GBP5: variants seen among roughly 807,000 people sequenced by gnomAD.
GBP5 encodes the protein guanylate binding protein 5.
Under a neutral mutation model 58.2 loss-of-function variants are expected in GBP5, and 48 were observed. That is an observed-to-expected ratio of 0.83 (90% CI 0.65 to 1.05). GBP5 has a LOEUF of 1.05. GBP5 is among the 50% of genes least tolerant of loss of function. The probability of loss-of-function intolerance (pLI) is 0.00; values close to 1 mark genes in which losing one functional copy is unlikely to be tolerated. For synonymous variants in GBP5, 248 were observed against 251.8 expected (o/e 0.98, Z 0.14); for missense variants, 714 against 686.8 (o/e 1.04, Z -0.44).
chr1:89,263,123 T>A (rs1461310773), intron 9 of GBP5: 7 of 183,460 alleles, frequency 3.8e-5, no homozygotes, highest in African/African-American at 1.4e-4. Flanking sequence ...TGCTTTTGTG[T>A]TTGAATGACA....
At position 89,262,409 on chromosome 1, in the gene GBP5, G is replaced by A. The variant is rs1228326049; in HGVS notation, c.1466-8C>T. ...CTGCTTTCACTTGTGCCTCTGAGGA[G>A]AAAAAGATAATCTTCTCTAGGATTA... On this transcript the variant is annotated splice_region_variant and splice_polypyrimidine_tract_variant and intron_variant, in intron 10 of 11. Transcript: ENST00000370459. The A allele has an allele frequency of 1.2e-6, 2 of 1,610,842 alleles. No homozygotes were observed. Among genetic ancestry groups the A allele is most frequent in the East Asian group, 2.2e-5 (1 of 44,858 alleles).
In GBP5 at chr1:89,267,154, C is replaced by T; in HGVS notation, c.429-1G>A. On this transcript the variant is annotated splice_acceptor_variant, in intron 5 of 11. Transcript: ENST00000370459. LOFTEE classifies it high-confidence loss of function. The stretch of plus-strand genomic sequence containing the variant: ...CAGATCTGTCAGTTCTGTCACATTG[C>T]TGAGATGCAATTAAAGAAAACTGGC... The T allele has an allele frequency of 2.5e-6, 4 of 1,577,178 alleles. No individual in the cohort carries two copies. The highest frequency in any genetic ancestry group is 3.4e-6 in the Non-Finnish European group (4 of 1,165,060).
intron 3 of GBP5, 139 bp from the exon 4 acceptor site, chr1:89,268,995 G>T: frequency 1.2e-6 from 1 of 828,578 alleles, no homozygotes; most frequent in Non-Finnish European, 1.9e-6. Flanking sequence ...GAATGATGAT[G>T]CAGAAATGGA....
intron 5 of GBP5, 101 bp downstream of exon 5, chr1:89,267,316 A>G (rs1346131391): frequency 1.2e-5 from 12 of 1,012,798 alleles, no homozygotes; most frequent in Admixed American, 2.1e-5. Context: ...AATGTTTATC[A>G]CGTTTCCATT....
At position 89,260,617 on chromosome 1, in the gene GBP5, T is replaced by C; in HGVS notation, c.*87A>G. 2.6e-6 allele frequency: 2 copies of C among 774,110 alleles called. No homozygotes were observed. Among genetic ancestry groups the C allele is most frequent in the South Asian group, 3.2e-5 (2 of 62,350 alleles). The allele number at this position is 774,110 out of a possible 1,614,324, so 48.0% of individuals were successfully genotyped here. Reference sequence around the variant, plus strand: ...AAAATAATTATAAAGTTTATTTAAATGTTGATTGTCCCAAGGTCTACAGTT... The same window carrying C: ...AAAATAATTATAAAGTTTATTTAAACGTTGATTGTCCCAAGGTCTACAGTT... On this transcript the variant is annotated 3_prime_UTR_variant, in exon 12 of 12. Coordinates refer to ENST00000370459, the MANE Select transcript of GBP5 (RefSeq NM_052942.5).
rs1034629134 is a variant in GBP5 at position 89,263,771 on chromosome 1, C to T, written c.1327G>A (p.Ala443Thr). The T allele has an allele frequency of 1.9e-6, 3 of 1,613,662 alleles. No homozygotes were observed. The highest frequency in any genetic ancestry group is 1.1e-5 in the South Asian group (1 of 91,074). ...TTCCGAGGCTCCCGATAGTACTTTG[C>T]CTTCAGTTCTTCTGTTTTCTGAATG... ...LFIQKTEELK[A>T]KYYREPRKGI... is the part of the protein sequence containing the mutation. The change falls in exon 9 of 12, where the codon GCA (alanine) becomes ACA (threonine). Residue 443 changes from alanine (A) to threonine (T), a missense_variant. Physicochemically the swap from Ala to Thr is moderately conservative, Grantham distance 58. Coordinates refer to ENST00000370459, the MANE Select transcript of GBP5 (RefSeq NM_052942.5).
chr1:89,256,666 C>T lies in GBP5; in HGVS notation c.*4038G>A, dbSNP rs1017099684. Among the ~76,000 whole-genome samples, 12 of 152,192 alleles carry T rather than the reference C, an allele frequency of 7.9e-5. No individual in the cohort carries two copies. The highest frequency in any genetic ancestry group is 2.9e-4 in the African/African-American group (12 of 41,446). On this transcript the variant is annotated 3_prime_UTR_variant, in exon 12 of 12. Coordinates refer to ENST00000370459, the MANE Select transcript of GBP5 (RefSeq NM_052942.5). ...TTTGAGTCACATTTAGAAAGGCCCT[C>T]TCCTCTACAGGTTTATGAAGAACAT...
At chr1:89,265,784 T>G (rs1384564456) in intron 7 of GBP5, among the ~76,000 whole-genome samples, 1 of 151,754 alleles carries the variant, frequency 6.6e-6, no homozygotes, top group Admixed American at 6.6e-5. Flanking sequence ...CAGGTTTCTC[T>G]TAATGTTTGT....
chr1:89,266,298 C>T (rs1021699416), intron 7 of GBP5, 48 bp downstream of exon 7: 12 of 1,527,134 alleles, frequency 7.9e-6, no homozygotes, highest in Non-Finnish European at 1.1e-5. Flanking sequence ...AAAAGTGTCC[C>T]TTATAGTTTA....
intron 5 of GBP5, 35 bp downstream of exon 5, chr1:89,267,382 G>A (rs374421822): frequency 2.0e-5 from 28 of 1,434,712 alleles, no homozygotes; most frequent in African/African-American, 5.6e-5. Context: ...GAGTTCTGTC[G>A]GACTTTGGTG....
At chr1:89,266,736 G>C in intron 6 of GBP5, 148 bp from the exon 7 acceptor site, 1 of 824,422 alleles carries the variant, frequency 1.2e-6, no homozygotes, top group East Asian at 2.8e-5. Flanking sequence ...TAACTAATCA[G>C]GGAAAGTAAA....
chr1:89,266,449 C>A lies in GBP5; in HGVS notation c.765G>T (p.Glu255Asp), dbSNP rs748033916. 5 of 1,614,130 alleles carry A rather than the reference C, an allele frequency of 3.1e-6. No individual in the cohort carries two copies. In the South Asian group the frequency reaches 4.4e-5, roughly 14 times the overall value. ...LAQLETLPDD[E>D]LEPEFVQQVT... The stretch of plus-strand genomic sequence containing the variant: ...CTTGTTGCACAAATTCAGGCTCTAG[C>A]TCATCATCAGGCAGTGTTTCAAGTT... The change falls in exon 7 of 12, where the codon GAG (glutamate) becomes GAT (aspartate). Residue 255 changes from glutamate (E) to aspartate (D), a missense_variant. Physicochemically the swap from Glu to Asp is conservative, Grantham distance 45. Coordinates refer to ENST00000370459, the MANE Select transcript of GBP5 (RefSeq NM_052942.5).
chr1:89,269,142 A>C (rs1650340555), intron 3 of GBP5, among the ~76,000 whole-genome samples: 1 of 152,152 alleles, frequency 6.6e-6, no homozygotes, highest in Non-Finnish European at 1.5e-5. Context: ...AATATATTAT[A>C]CATTTTACAA....
intron 3 of GBP5, 37 bp from the exon 4 acceptor site, chr1:89,268,893 ACT>A (rs1233913384): frequency 1.3e-6 from 2 of 1,599,476 alleles, no homozygotes; most frequent in Non-Finnish European, 1.7e-6. Context: ...TAGAAGAGAA[ACT>A]CTGGAAATTG....
rs1224753975 is a variant in GBP5, at chr1:89,267,122, C to T, written c.460G>A (p.Ala154Thr). The change falls in exon 6 of 12, where the codon GCA becomes ACA. Residue 154 changes from alanine to threonine, a missense_variant. By Grantham distance (58) the Ala-to-Thr change is moderately conservative. Coordinates refer to ENST00000370459, the MANE Select transcript of GBP5 (RefSeq NM_052942.5). ...CTGTCAAGGTCGGGTGAGTTTCTTG[C>T]CTTGAGCAGATCTGTCAGTTCTGTC... The part of the protein sequence containing the change: ...NVTELTDLLK[A>T]RNSPDLDRVE... 1.2e-6 allele frequency: 2 copies of T among 1,603,468 alleles called. No homozygotes were observed. The highest frequency in any genetic ancestry group is 1.7e-6 in the Non-Finnish European group (2 of 1,177,356).
At position 89,267,126 on chromosome 1, in the gene GBP5, G is replaced by A. The variant is rs545288733; in HGVS notation, c.456C>T (p.Leu152=). The part of the protein sequence containing the change: ...LHNVTELTDL[L]KARNSPDLDR... Reference sequence around the variant, plus strand: ...CAAGGTCGGGTGAGTTTCTTGCCTTGAGCAGATCTGTCAGTTCTGTCACAT... The same window carrying A: ...CAAGGTCGGGTGAGTTTCTTGCCTTAAGCAGATCTGTCAGTTCTGTCACAT... The change falls in exon 6 of 12, where the codon CTC becomes CTT. Residue 152 remains leucine, a synonymous_variant. Transcript: ENST00000370459. 8 of 1,601,794 alleles carry A rather than the reference G, an allele frequency of 5.0e-6. No homozygotes were observed. In the African/African-American group the frequency reaches 9.5e-5, roughly 19 times the overall value.
chr1:89,258,371 G>A lies in GBP5; in HGVS notation c.*2333C>T, dbSNP rs1312425222. ...TAATAAAGATATCAATATTTAATTT[G>A]GAGATAGAGCTATTCTTTTTACTGA... On this transcript the variant is annotated 3_prime_UTR_variant, in exon 12 of 12. Coordinates refer to ENST00000370459, the MANE Select transcript of GBP5 (RefSeq NM_052942.5). Among the ~76,000 whole-genome samples the A allele has an allele frequency of 6.6e-6, 1 of 152,096 alleles. No individual in the cohort carries two copies. Among genetic ancestry groups the A allele is most frequent in the Non-Finnish European group, 1.5e-5 (1 of 68,018 alleles).
Position 89,256,535 on chromosome 1 carries a change from T to G in GBP5, c.*4169A>C, listed in dbSNP as rs528589284. 6.6e-6 allele frequency among the ~76,000 whole-genome samples: 1 copy of G among 152,318 alleles called. No individual in the cohort carries two copies. The highest frequency in any genetic ancestry group is 2.4e-5 in the African/African-American group (1 of 41,576). On this transcript the variant is annotated 3_prime_UTR_variant, in exon 12 of 12. Coordinates refer to ENST00000370459, the MANE Select transcript of GBP5 (RefSeq NM_052942.5). Reference sequence around the variant, plus strand: ...CAGTATGTGTCACATTTAATAATTTTGAAAAACAGAGAATGGGATGTAACT... The same window carrying G: ...CAGTATGTGTCACATTTAATAATTTGGAAAAACAGAGAATGGGATGTAACT...
Position 89,263,958 on chromosome 1 carries a change from G to A in GBP5, c.1150-10C>T. 6.7e-7 allele frequency: 1 copy of A among 1,499,328 alleles called. No homozygotes were observed. The allele number at this position is 1,499,328 out of a possible 1,614,324, so 92.9% of individuals were successfully genotyped here. ...TTGCATCTAGTAGAGTCTTCAAAGA[G>A]ACAAAAACCCATGGAAAAGATGTTA... On this transcript the variant is annotated splice_polypyrimidine_tract_variant and intron_variant, in intron 8 of 11. Coordinates refer to ENST00000370459, the MANE Select transcript of GBP5 (RefSeq NM_052942.5).
Sources: allele counts gnomAD v4.1 joint callset (sites outside exome capture counted in the v4.1 genomes callset), GRCh38; gene constraint gnomAD v4.1.1; transcripts MANE v1.5; gene names NCBI Gene and HGNC (gene_info 2026-07-23, HGNC 2026-07-21).